The following HHAT variants were observed in gnomAD, a reference collection of about 807,000 sequenced individuals.
HHAT encodes protein-cysteine N-palmitoyltransferase HHAT.
In HHAT, 47 loss-of-function variants were observed where a neutral mutation model predicts 70.8. That is an observed-to-expected ratio of 0.66 (90% CI 0.53 to 0.85). The LOEUF is 0.85. HHAT is among the 40% of genes least tolerant of loss of function. The pLI, the probability that HHAT is intolerant of heterozygous loss-of-function variation, is 0.00. For missense variants in HHAT, 609 were observed against 604.8 expected (o/e 1.01, Z -0.07); for synonymous variants, 228 against 247.6 (o/e 0.92, Z 0.74).
intron 3 of HHAT, among the ~76,000 whole-genome samples, chr1:210,381,657 A>G (rs146987757): frequency 6.6e-6 from 1 of 152,312 alleles, no homozygotes; most frequent in African/African-American, 2.4e-5. Flanking sequence ...CTGAGCTGAT[A>G]GCAAACTATC....
At chr1:210,472,841 G>A (rs1327668878) in intron 8 of HHAT, among the ~76,000 whole-genome samples, 1 of 152,150 alleles carries the variant, frequency 6.6e-6, no homozygotes, top group East Asian at 1.9e-4. Flanking sequence ...GGGCTTACAG[G>A]TCATAGGTGG....
intron 3 of HHAT, among the ~76,000 whole-genome samples, chr1:210,365,324 T>TTTTTTG (rs1355425484): frequency 1.5e-5 from 2 of 136,640 alleles, no homozygotes; most frequent in Non-Finnish European, 3.1e-5. Flanking sequence ...TTTTTTTTTT[T>TTTTTTG]TTTTTTTTTT....
chr1:210,655,196 G>A (rs1676122184), intron 11 of HHAT, among the ~76,000 whole-genome samples: 1 of 152,144 alleles, frequency 6.6e-6, no homozygotes, highest in South Asian at 2.1e-4. Context: ...TAAATAGCTG[G>A]GAAAAGTTTC....
chr1:210,380,035 G>A (rs1254559647), intron 3 of HHAT, among the ~76,000 whole-genome samples: 2 of 152,126 alleles, frequency 1.3e-5, no homozygotes, highest in South Asian at 2.1e-4. Flanking sequence ...TCCACTTTTG[G>A]TATCTCTTCT....
chr1:210,345,555 T>C lies in HHAT; in HGVS notation c.-43-3378T>C, dbSNP rs186240977. Among the ~76,000 whole-genome samples the C allele has an allele frequency of 7.2e-5, 11 of 152,378 alleles. No homozygotes were observed. The East Asian group carries it at 1.7e-3, about 24-fold the overall frequency. On this transcript the variant is annotated intron_variant, in intron 1 of 11. Transcript: ENST00000261458. ...GATCTTACCTGTGCTTATTAATCTT[T>C]AAGTGTATGTGTATAGCTCTTGTTT... is the stretch of plus-strand genomic sequence containing the variant.
intron 2 of HHAT, among the ~76,000 whole-genome samples, chr1:210,352,468 G>A (rs543879921): frequency 2.6e-5 from 4 of 152,242 alleles, no homozygotes; most frequent in Middle Eastern, 3.4e-3. Context: ...TGGAAAAATC[G>A]TCTTTACTCT....
chr1:210,540,079 A>C (rs2095412892), intron 9 of HHAT, among the ~76,000 whole-genome samples: 1 of 152,174 alleles, frequency 6.6e-6, no homozygotes, highest in Non-Finnish European at 1.5e-5. Context: ...AGTCCTGAGG[A>C]GACTGGTCAC....
chr1:210,465,887 GCAA>G (rs1165057787), intron 8 of HHAT, among the ~76,000 whole-genome samples: 9 of 151,752 alleles, frequency 5.9e-5, no homozygotes, highest in African/African-American at 2.2e-4. Flanking sequence ...GCAAGGAATT[GCAA>G]GGAATGAATT....
At chr1:210,428,428 G>C (rs2093143280) in intron 7 of HHAT, among the ~76,000 whole-genome samples, 1 of 149,546 alleles carries the variant, frequency 6.7e-6, no homozygotes, top group East Asian at 2.0e-4. Flanking sequence ...TTGATACCCA[G>C]ACAGTAATCA....
chr1:210,409,486 G>T (rs994317223), intron 6 of HHAT, among the ~76,000 whole-genome samples: 2 of 152,086 alleles, frequency 1.3e-5, no homozygotes, highest in Non-Finnish European at 2.9e-5. Context: ...GCTAGCGGGT[G>T]GGAGTAATGT....
At chr1:210,637,159 T>G (rs1198337463) in intron 11 of HHAT, among the ~76,000 whole-genome samples, 1 of 152,176 alleles carries the variant, frequency 6.6e-6, no homozygotes, top group African/African-American at 2.4e-5. Context: ...TATATTAACA[T>G]TATTCTGCCA....
At chr1:210,354,450 G>A (rs76890166) in intron 2 of HHAT, among the ~76,000 whole-genome samples, 4,106 of 151,994 alleles carry the variant, frequency 0.027, 182 homozygotes, top group African/African-American at 0.093. Flanking sequence ...CCAAAGTGCC[G>A]GGATTACTGG....
intron 10 of HHAT, among the ~76,000 whole-genome samples, chr1:210,597,475 G>A (rs1026361912): frequency 6.6e-6 from 1 of 151,812 alleles, no homozygotes; most frequent in Non-Finnish European, 1.5e-5. Context: ...GCCAGGTCCT[G>A]GAGTCAGAAA....
At chr1:210,595,793 G>A (rs576322922) in intron 10 of HHAT, among the ~76,000 whole-genome samples, 164 of 152,144 alleles carry the variant, frequency 1.1e-3, no homozygotes, top group Middle Eastern at 6.8e-3. Context: ...CATATCCTTC[G>A]CCCACTTTTT....
At chr1:210,435,013 A>C (rs1242451591) in intron 7 of HHAT, among the ~76,000 whole-genome samples, 3 of 151,876 alleles carry the variant, frequency 2.0e-5, no homozygotes, top group Admixed American at 6.6e-5. Flanking sequence ...CTGTTTTGAA[A>C]CATACAATCA....
chr1:210,404,600 C>A lies in HHAT; in HGVS notation c.605C>A (p.Pro202His), dbSNP rs2092247918. 1 of 1,614,060 alleles carries A rather than the reference C, an allele frequency of 6.2e-7. No homozygotes were observed. The highest frequency in any genetic ancestry group is 1.3e-5 in the African/African-American group (1 of 74,920). ...GCTGCATCGACCTCCTACTCCTTTC[C>A]CTGGATGCTGGCCTATGTCTTTTAT... ...LPAASTSYSFPWMLAYVFYYP... is the reference protein window; with the variant it reads ...LPAASTSYSFHWMLAYVFYYP... Residue 202 changes from proline (P) to histidine (H), a missense_variant, in exon 6 of 12, where the codon CCC (proline) becomes CAC (histidine). Coordinates refer to ENST00000261458, the MANE Select transcript of HHAT (RefSeq NM_018194.6).
At chr1:210,380,008 G>A (rs2090508764) in intron 3 of HHAT, among the ~76,000 whole-genome samples, 1 of 152,106 alleles carries the variant, frequency 6.6e-6, no homozygotes, top group Non-Finnish European at 1.5e-5. Context: ...AGGCATTCTA[G>A]GGCAGATACC....
chr1:210,410,288 C>T (rs901773618), intron 6 of HHAT, among the ~76,000 whole-genome samples: 2 of 151,680 alleles, frequency 1.3e-5, no homozygotes, highest in African/African-American at 4.8e-5. Flanking sequence ...GATCTCCTGA[C>T]CTTGTGATCC....
At chr1:210,435,809 ATTCT>A (rs761162623) in intron 7 of HHAT, among the ~76,000 whole-genome samples, 2 of 150,960 alleles carry the variant, frequency 1.3e-5, no homozygotes, top group African/African-American at 2.5e-5. Context: ...TTTAAATGGG[ATTCT>A]TTCTTTTTTT....
Sources: allele counts gnomAD v4.1 joint callset (sites outside exome capture counted in the v4.1 genomes callset), GRCh38; gene constraint gnomAD v4.1.1; transcripts MANE v1.5; gene names NCBI Gene and HGNC (gene_info 2026-07-23, HGNC 2026-07-21).